Variants in DDX3X observed in about 807,000 individuals in gnomAD.
DDX3X encodes the protein DEAD-box helicase 3 X-linked, also known as ATP-dependent RNA helicase DDX3X.
Under a neutral mutation model 52.7 loss-of-function variants are expected in DDX3X, and 4 were observed. The ratio of observed to expected loss-of-function variants is 0.08; its 90% CI spans 0.04 to 0.17. The LOEUF is 0.17. Among genes scored for constraint, DDX3X ranks in the 10% least tolerant of loss-of-function variants. The pLI is 1.00. For synonymous variants in DDX3X, 192 were observed against 178.1 expected (o/e 1.08, Z -0.62); for missense variants, 222 against 548.6 (o/e 0.40, Z 5.95).
rs2063963731 is a variant in DDX3X at position 41,349,398 on chromosome X, G to C, written c.*1679G>C. 8.9e-6 allele frequency: 1 copy of C among 112,005 alleles called. No individual in the cohort carries two copies. Among genetic ancestry groups the C allele is most frequent in the South Asian group, 3.7e-4 (1 of 2,732 alleles). 9.2% of individuals were successfully genotyped at this position (112,005 alleles called of 1,213,427 possible). A position where few individuals can be genotyped will look rare whatever the true frequency, so the allele number is the denominator to read the frequency against. ...TTGTTGAACGCAGCTTGTCTAGGAAGGGGATGGGACTAGATTCTAAAATTT... is the reference window on the plus strand; with the variant it reads ...TTGTTGAACGCAGCTTGTCTAGGAACGGGATGGGACTAGATTCTAAAATTT... On this transcript the variant is annotated 3_prime_UTR_variant, in exon 17 of 17. Transcript: ENST00000644876.
At chrX:41,341,662 T>C (rs368810045) in intron 4 of DDX3X, 46 bp downstream of exon 4, 6 of 1,139,775 alleles carry the variant, frequency 5.3e-6, no homozygotes, top group African/African-American at 3.6e-5. Flanking sequence ...AATAACAGTT[T>C]AATAAGTCGT....
intron 4 of DDX3X, chrX:41,341,926 C>G: frequency 4.8e-6 from 1 of 208,449 alleles, no homozygotes; most frequent in Non-Finnish European, 8.7e-6. Flanking sequence ...TTTCTAAACA[C>G]CTTGTATTTT....
upstream of DDX3X, chrX:41,333,382 A>G (rs1340607005): frequency 1.0e-5 from 1 of 96,287 alleles, no homozygotes; most frequent in Non-Finnish European, 2.1e-5. Context: ...TCACCATCCT[A>G]CCCTCCTCCC....
chrX:41,334,968 G>T, intron 1 of DDX3X: 1 of 173,043 alleles, frequency 5.8e-6, no homozygotes. Context: ...TTTCGCTTCA[G>T]CCCAGGTTCC....
chrX:41,353,459 C>G (rs113548013), downstream of DDX3X, among the ~76,000 whole-genome samples: 22,193 of 106,224 alleles, frequency 0.21, 2,165 homozygotes, highest in South Asian at 0.46. Context: ...TAGAGCAAGA[C>G]TCCATCTCAA....
Position 41,346,212 on chromosome X carries a change from T to A in DDX3X, c.1316-17T>A, listed in dbSNP as rs1199089251. ...AAGCCATGTTAGTGACAAAAACCTA[T>A]AATTTTTCAACGACAGGCAAGGATT... On this transcript the variant is annotated splice_polypyrimidine_tract_variant and intron_variant, in intron 12 of 16. Coordinates refer to ENST00000644876, the MANE Select transcript of DDX3X (RefSeq NM_001356.5). The A allele has an allele frequency of 5.0e-6, 6 of 1,194,684 alleles. No individual in the cohort carries two copies. In the South Asian group the frequency reaches 1.1e-4, roughly 22 times the overall value.
intron 5 of DDX3X, among the ~76,000 whole-genome samples, chrX:41,357,218 G>A (rs763527611): frequency 7.3e-4 from 81 of 111,191 alleles, no homozygotes; most frequent in Non-Finnish European, 3.0e-4. Flanking sequence ...ACAAGCGTGA[G>A]CCACTGCGTG....
intron 5 of DDX3X, among the ~76,000 whole-genome samples, chrX:41,357,130 C>T (rs2064012640): frequency 9.1e-6 from 1 of 109,305 alleles, no homozygotes; most frequent in African/African-American, 3.3e-5. Flanking sequence ...GACAGGTTTT[C>T]ACCATGTTGG....
Position 41,348,408 on chromosome X carries a change from A to G in DDX3X, c.*689A>G, listed in dbSNP as rs2063953148. The G allele has an allele frequency of 8.8e-6, 1 of 113,002 alleles. No individual in the cohort carries two copies. The highest frequency in any genetic ancestry group is 3.2e-5 in the African/African-American group (1 of 30,953). 9.3% of individuals were successfully genotyped at this position (113,002 alleles called of 1,213,427 possible). On this transcript the variant is annotated 3_prime_UTR_variant, in exon 17 of 17. Transcript: ENST00000644876. Reference sequence around the variant, plus strand: ...CATTCCAGTCATGATGAGGTGATGTATGAATACATGCATACATTCAAAGCA... The same window carrying G: ...CATTCCAGTCATGATGAGGTGATGTGTGAATACATGCATACATTCAAAGCA...
intron 4 of DDX3X, chrX:41,342,168 C>G: frequency 5.2e-6 from 1 of 192,950 alleles, no homozygotes; most frequent in Non-Finnish European, 9.5e-6. Flanking sequence ...TTTTCCCTAC[C>G]ATTAAATATA....
downstream of DDX3X, among the ~76,000 whole-genome samples, chrX:41,354,176 C>A (rs969785555): frequency 5.4e-5 from 6 of 110,284 alleles, no homozygotes; most frequent in African/African-American, 1.7e-4. Context: ...CAGTACAAAA[C>A]CAGGAAATTG....
chrX:41,354,458 G>A (rs1261523732), downstream of DDX3X, among the ~76,000 whole-genome samples: 2 of 105,079 alleles, frequency 1.9e-5, no homozygotes, highest in African/African-American at 7.1e-5. Flanking sequence ...TGAGTAGCTG[G>A]GACTACAGGC....
At chrX:41,361,936 T>G (rs2064031128) in intron 5 of DDX3X, among the ~76,000 whole-genome samples, 1 of 111,128 alleles carries the variant, frequency 9.0e-6, no homozygotes. Context: ...AGTGGCATCT[T>G]CTTTCACCTA....
At chrX:41,342,692 TACTA>T in intron 5 of DDX3X, 39 bp downstream of exon 5, 1 of 1,208,735 alleles carries the variant, frequency 8.3e-7, no homozygotes, top group Non-Finnish European at 1.1e-6. Flanking sequence ...GATGAAGCCT[TACTA>T]GCTAGTATAA....
chrX:41,346,817 T>C (rs2063931807), intron 14 of DDX3X, 42 bp from the exon 15 acceptor site: 2 of 1,136,080 alleles, frequency 1.8e-6, no homozygotes, highest in Non-Finnish European at 2.4e-6. Flanking sequence ...AGTTACTTTA[T>C]GGAAGACCTT....
At chrX:41,342,325 T>C (rs2063862762) in intron 4 of DDX3X, 170 bp from the exon 5 acceptor site, 3 of 491,740 alleles carry the variant, frequency 6.1e-6, no homozygotes, top group Non-Finnish European at 9.7e-6. Flanking sequence ...AACGAGGTTA[T>C]GTAAATGATG....
intron 5 of DDX3X, among the ~76,000 whole-genome samples, chrX:41,362,393 C>G (rs917658630): frequency 1.8e-5 from 2 of 111,024 alleles, no homozygotes; most frequent in African/African-American, 6.5e-5. Flanking sequence ...CCAGCTGAGC[C>G]AAGTTAACTT....
At chrX:41,358,628 A>G (rs992642668) in intron 5 of DDX3X, among the ~76,000 whole-genome samples, 1 of 112,139 alleles carries the variant, frequency 8.9e-6, no homozygotes, top group Non-Finnish European at 1.9e-5. Context: ...TTGTCCTTGA[A>G]TGCTGCTGCT....
intron 5 of DDX3X, among the ~76,000 whole-genome samples, chrX:41,359,178 G>A (rs779362768): frequency 2.1e-4 from 24 of 112,472 alleles, no homozygotes; most frequent in African/African-American, 7.1e-4. Flanking sequence ...AGCAACACTG[G>A]GAAAACTAAG....
Sources: allele counts gnomAD v4.1 joint callset (sites outside exome capture counted in the v4.1 genomes callset), GRCh38; gene constraint gnomAD v4.1.1; transcripts MANE v1.5; gene names NCBI Gene and HGNC (gene_info 2026-07-23, HGNC 2026-07-21).